CFAP97D1: variants seen among roughly 807,000 people sequenced by gnomAD.
CFAP97D1 encodes the protein sperm axonemal maintenance protein CFAP97D1.
A neutral mutation model predicts 20.5 loss-of-function variants in CFAP97D1; 15 were observed. The ratio of observed to expected loss-of-function variants is 0.73; its 90% CI spans 0.49 to 1.13. The LOEUF (loss-of-function observed/expected upper bound fraction) is 1.13, where lower values mean the gene tolerates loss of function less well. CFAP97D1 is among the 50% of genes most tolerant of loss of function. The pLI is 0.00. For synonymous variants in CFAP97D1, 58 were observed against 71.2 expected (o/e 0.82, Z 0.93); for missense variants, 168 against 202.9 (o/e 0.83, Z 1.04).
At chr17:43,782,013 C>G in intron 3 of CFAP97D1, 121 bp downstream of exon 3, 1 of 672,424 alleles carries the variant, frequency 1.5e-6, no homozygotes, top group East Asian at 2.7e-5. Context: ...GAGGGAGAAC[C>G]AAACAGACCA....
Position 43,780,570 on chromosome 17 carries a change from G to T in CFAP97D1, c.108G>T (p.Lys36Asn), listed in dbSNP as rs1214762550. The change falls in exon 1 of 6, where the codon AAG (lysine) becomes AAT (asparagine). Residue 36 changes from lysine to asparagine, a missense_variant. Transcript: ENST00000449302. ...ACTTTGGCCACTACGTATCTCACAA[G>T]AATAGAATACAAATAGGTATGTGGG... ...KLDFGHYVSH[K>N]NRIQIAKPTV... is the part of the protein sequence containing the mutation. The T allele has an allele frequency of 2.8e-5, 43 of 1,551,566 alleles. No homozygotes were observed. The highest frequency in any genetic ancestry group is 3.5e-5 in the Non-Finnish European group (40 of 1,146,986).
rs1168235089 is a variant in CFAP97D1, at chr17:43,785,248, GT to G, written c.*867del. 1.3e-5 allele frequency: 2 copies of G among 152,274 alleles called. No homozygotes were observed. Among genetic ancestry groups the G allele is most frequent in the Non-Finnish European group, 1.5e-5 (1 of 68,086 alleles). 9.4% of individuals were successfully genotyped at this position (152,274 alleles called of 1,614,324 possible). On this transcript the variant is annotated 3_prime_UTR_variant, in exon 6 of 6. Coordinates refer to ENST00000449302, the MANE Select transcript of CFAP97D1 (RefSeq NM_001136483.3). ...CAGGAAAGAATTTAAGGGTGAGCCA[GT>G]GGTAGGGTAGAAGAAGACAGTTTTA...
rs2044288568 is a variant in CFAP97D1, at chr17:43,785,775, G to A, written c.*1393G>A. 1 of 152,220 alleles carries A rather than the reference G, an allele frequency of 6.6e-6. No homozygotes were observed. Among genetic ancestry groups the A allele is most frequent in the South Asian group, 2.1e-4 (1 of 4,834 alleles). 9.4% of individuals were successfully genotyped at this position (152,220 alleles called of 1,614,324 possible). ...CCTTGGGTCATTGCCCTGGAAAGGG[G>A]TGGTAACTCCTAGGTGTTGCTACGG... On this transcript the variant is annotated 3_prime_UTR_variant, in exon 6 of 6. Coordinates refer to ENST00000449302, the MANE Select transcript of CFAP97D1 (RefSeq NM_001136483.3).
rs1446011889 is a variant in CFAP97D1, at chr17:43,783,320, G to A, written c.438+17G>A. On this transcript the variant is annotated intron_variant, in intron 4 of 5. Transcript: ENST00000449302. The stretch of plus-strand genomic sequence containing the variant: ...GACTGGCAGGCACGTGGGCACTCAT[G>A]TTATACTCCCAGACACACACAGAGT... The A allele has an allele frequency of 4.5e-6, 7 of 1,550,654 alleles. No homozygotes were observed. Among genetic ancestry groups the A allele is most frequent in the African/African-American group, 1.4e-5 (1 of 72,940 alleles).
chr17:43,785,034 A>C lies in CFAP97D1; in HGVS notation c.*652A>C, dbSNP rs1328351997. The C allele has an allele frequency of 6.7e-6, 1 of 149,424 alleles. No individual in the cohort carries two copies. The highest frequency in any genetic ancestry group is 2.0e-4 in the East Asian group (1 of 5,128). 9.3% of individuals were successfully genotyped at this position (149,424 alleles called of 1,614,324 possible). On this transcript the variant is annotated 3_prime_UTR_variant, in exon 6 of 6. Coordinates refer to ENST00000449302, the MANE Select transcript of CFAP97D1 (RefSeq NM_001136483.3). The stretch of plus-strand genomic sequence containing the variant: ...GAGAGAGAGAGAGAGAGTGAGAGAG[A>C]TAGATAGAGAGTGAGAGAGAGAGAG...
rs535898355 is a variant in CFAP97D1, at chr17:43,781,834, G to T, written c.256G>T (p.Ala86Ser). Residue 86 changes from alanine to serine, a missense_variant, in exon 3 of 6, where the codon GCA becomes TCA. Transcript: ENST00000449302. ...AAACAAGCAACTGTGTCAGAAAATC[G>T]CAAATGCCCATCGCGGCCCTGCCAA... Reference protein sequence around the residue: ...YENKQLCQKIANAHRGPAKVD... With the variant: ...YENKQLCQKISNAHRGPAKVD... The T allele has an allele frequency of 6.4e-6, 10 of 1,551,622 alleles. No individual in the cohort carries two copies. Among genetic ancestry groups the T allele is most frequent in the Admixed American group, 3.9e-5 (2 of 50,994 alleles).
At chr17:43,782,077 G>C (rs940553792) in intron 3 of CFAP97D1, among the ~76,000 whole-genome samples, 185 bp downstream of exon 3, 1 of 152,200 alleles carries the variant, frequency 6.6e-6, no homozygotes, top group Non-Finnish European at 1.5e-5. Context: ...GCATTAAAGA[G>C]CTTTTATTTC....
chr17:43,782,939 A>G (rs977334081), intron 3 of CFAP97D1: 2 of 517,482 alleles, frequency 3.9e-6, no homozygotes, highest in African/African-American at 3.8e-5. Flanking sequence ...AGATCAATGA[A>G]GTAGAATCTT....
rs2044284090 is a variant in CFAP97D1, at chr17:43,785,123, G to T, written c.*741G>T. 2 of 152,582 alleles carry T rather than the reference G, an allele frequency of 1.3e-5. No individual in the cohort carries two copies. The highest frequency in any genetic ancestry group is 2.9e-5 in the Non-Finnish European group (2 of 68,270). 9.5% of individuals were successfully genotyped at this position (152,582 alleles called of 1,614,324 possible). On this transcript the variant is annotated 3_prime_UTR_variant, in exon 6 of 6. Coordinates refer to ENST00000449302, the MANE Select transcript of CFAP97D1 (RefSeq NM_001136483.3). ...GGCTCACAAGATCATGGAAGCTAAA[G>T]AAGTCCCACCACAGGCCATCTGCAA... is the stretch of plus-strand genomic sequence containing the variant.
Position 43,781,904 on chromosome 17 carries a change from T to TG in CFAP97D1, c.314+13dup. 1 of 1,506,086 alleles carries TG rather than the reference T, an allele frequency of 6.6e-7. No homozygotes were observed. Among genetic ancestry groups the TG allele is most frequent in the Non-Finnish European group, 9.0e-7 (1 of 1,105,364 alleles). 93.3% of individuals were successfully genotyped at this position (1,506,086 alleles called of 1,614,324 possible). ...TATTTTTCCAAGAGGTAATGTTCTT[T>TG]GTCTTCATTTCAGTTTTGAAAAGTC... On this transcript the variant is annotated intron_variant, in intron 3 of 5. Transcript: ENST00000449302.
At chr17:43,784,274 AAG>A (rs2044276221) in intron 5 of CFAP97D1, 107 bp from the exon 6 acceptor site, 1 of 169,524 alleles carries the variant, frequency 5.9e-6, no homozygotes, top group Non-Finnish European at 1.3e-5. Context: ...AGTGATGACT[AAG>A]TGGTTTCCCC....
At position 43,780,545 on chromosome 17, in the gene CFAP97D1, A is replaced by G. The variant is rs1354009770; in HGVS notation, c.83A>G (p.Asp28Gly). 1.9e-6 allele frequency: 3 copies of G among 1,551,576 alleles called. No individual in the cohort carries two copies. The highest frequency in any genetic ancestry group is 2.6e-6 in the Non-Finnish European group (3 of 1,146,970). The part of the protein sequence containing the change: ...RQSTTFRKKL[D>G]FGHYVSHKNR... ...AGCACAACCTTCAGAAAGAAACTGGACTTTGGCCACTACGTATCTCACAAG... is the reference window on the plus strand; with the variant it reads ...AGCACAACCTTCAGAAAGAAACTGGGCTTTGGCCACTACGTATCTCACAAG... Residue 28 changes from aspartate to glycine, a missense_variant, in exon 1 of 6, where the codon GAC becomes GGC. Physicochemically the swap from Asp to Gly is moderately conservative, Grantham distance 94 (BLOSUM62 -1). Transcript: ENST00000449302.
At position 43,783,989 on chromosome 17, in the gene CFAP97D1, G is replaced by A. The variant is rs961124910; in HGVS notation, c.*96G>A. The A allele has an allele frequency of 1.7e-5, 16 of 924,752 alleles. No homozygotes were observed. The Admixed American group carries it at 2.1e-4, about 12-fold the overall frequency. The allele number at this position is 924,752 out of a possible 1,614,324, so 57.3% of individuals were successfully genotyped here. A position where few individuals can be genotyped will look rare whatever the true frequency, so the allele number is the denominator to read the frequency against. On this transcript the variant is annotated intron_variant, in intron 5 of 5. Coordinates refer to ENST00000449302, the MANE Select transcript of CFAP97D1 (RefSeq NM_001136483.3). The stretch of plus-strand genomic sequence containing the variant: ...GAATGAGGGGCCCAGTTAAGGAGAC[G>A]GATTTTGCTCTTCTCATATAATATT...
chr17:43,780,568 A>G lies in CFAP97D1; in HGVS notation c.106A>G (p.Lys36Glu). ...KLDFGHYVSH[K>E]NRIQIAKPTV... ...GGACTTTGGCCACTACGTATCTCAC[A>G]AGAATAGAATACAAATAGGTATGTG... Residue 36 changes from lysine (K) to glutamate (E), a missense_variant, in exon 1 of 6, where the codon AAG becomes GAG. Transcript: ENST00000449302. 6.4e-7 allele frequency: 1 copy of G among 1,551,712 alleles called. No homozygotes were observed.
chr17:43,781,625 G>A (rs904592553), intron 2 of CFAP97D1, 149 bp from the exon 3 acceptor site: 25 of 639,486 alleles, frequency 3.9e-5, no homozygotes, highest in African/African-American at 3.7e-4. Flanking sequence ...GTGCCCGGCC[G>A]CCCAGTCTTT....
At chr17:43,781,740 GGT>G (rs1281863799) in intron 2 of CFAP97D1, 32 bp from the exon 3 acceptor site, 2 of 1,333,504 alleles carry the variant, frequency 1.5e-6, no homozygotes, top group Admixed American at 3.9e-5. Flanking sequence ...GTGCACTGAT[GGT>G]GTCACCATGG....
intron 1 of CFAP97D1, 104 bp from the exon 2 acceptor site, chr17:43,781,015 C>A: frequency 1.2e-6 from 1 of 835,562 alleles, no homozygotes; most frequent in Non-Finnish European, 1.9e-6. Context: ...GGTCCTAATT[C>A]GAAATTGTTC....
intron 4 of CFAP97D1, 141 bp from the exon 5 acceptor site, chr17:43,783,696 G>A (rs1013575378): frequency 4.5e-6 from 3 of 672,184 alleles, no homozygotes; most frequent in Admixed American, 5.3e-5. Context: ...CAGGGGAGGG[G>A]AAACCATCTG....
At position 43,785,051 on chromosome 17, in the gene CFAP97D1, G is replaced by A. The variant is rs531577812; in HGVS notation, c.*669G>A. On this transcript the variant is annotated 3_prime_UTR_variant, in exon 6 of 6. Coordinates refer to ENST00000449302, the MANE Select transcript of CFAP97D1 (RefSeq NM_001136483.3). ...TGAGAGAGATAGATAGAGAGTGAGAGAGAGAGAGAAAGAGAGAGAGAGAGG... is the reference window on the plus strand; with the variant it reads ...TGAGAGAGATAGATAGAGAGTGAGAAAGAGAGAGAAAGAGAGAGAGAGAGG... 162 of 151,950 alleles carry A rather than the reference G, an allele frequency of 1.1e-3. No homozygotes were observed. The highest frequency in any genetic ancestry group is 3.7e-3 in the African/African-American group (153 of 41,332). The allele number at this position is 151,950 out of a possible 1,614,324, so 9.4% of individuals were successfully genotyped here.
Sources: allele counts gnomAD v4.1 joint callset (sites outside exome capture counted in the v4.1 genomes callset), GRCh38; gene constraint gnomAD v4.1.1; transcripts MANE v1.5; gene names NCBI Gene and HGNC (gene_info 2026-07-23, HGNC 2026-07-21).